The following SMARCD2 variants were observed in gnomAD, a reference collection of about 807,000 sequenced individuals.
SMARCD2 encodes the protein SWI/SNF related BAF chromatin remodeling complex subunit D2, also known as SWI/SNF-related matrix-associated actin-dependent regulator of chromatin subfamily D member 2.
A neutral mutation model predicts 70.4 loss-of-function variants in SMARCD2; 39 were observed. The observed-to-expected ratio is 0.55, with a 90% CI of 0.43 to 0.72. The LOEUF is 0.72. Among genes scored for constraint, SMARCD2 ranks in the 30% least tolerant of loss-of-function variants. The probability of loss-of-function intolerance (pLI) is 0.00; values close to 1 mark genes in which losing one functional copy is unlikely to be tolerated. For missense variants in SMARCD2, 540 were observed against 713.4 expected (o/e 0.76, Z 2.77); for synonymous variants, 249 against 279.4 (o/e 0.89, Z 1.08).
intron 5 of SMARCD2, chr17:63,835,064 G>A: frequency 3.7e-6 from 2 of 544,852 alleles, no homozygotes; most frequent in South Asian, 2.4e-5. Flanking sequence ...CCTCCAACGG[G>A]CTTGGAGCAG....
At chr17:63,839,173 A>AG in intron 1 of SMARCD2, 1 of 985,372 alleles carries the variant, frequency 1.0e-6, no homozygotes, top group Non-Finnish European at 1.2e-6. Context: ...ATAGAAAAAA[A>AG]CTAAGTGTGG....
rs1234427997 is a variant in SMARCD2, at chr17:63,834,034, T to C, written c.1084-28A>G. 1 of 1,605,976 alleles carries C rather than the reference T, an allele frequency of 6.2e-7. No individual in the cohort carries two copies. The highest frequency in any genetic ancestry group is 1.1e-5 in the South Asian group (1 of 90,902). Reference sequence around the variant, plus strand: ...GGAGGAAATACGAAAGGCTCAGCGTTGGCTTGTGGGCACAGTGGAGTGGAC... The same window carrying C: ...GGAGGAAATACGAAAGGCTCAGCGTCGGCTTGTGGGCACAGTGGAGTGGAC... On this transcript the variant is annotated intron_variant, in intron 8 of 12. Coordinates refer to ENST00000448276, the MANE Select transcript of SMARCD2 (RefSeq NM_001098426.2). The surrounding 1 kb of genome is among the most constrained non-coding windows in gnomAD (Gnocchi z 5.6).
At position 63,837,716 on chromosome 17, in the gene SMARCD2, G is replaced by C; in HGVS notation, c.217-91C>G. On this transcript the variant is annotated intron_variant, in intron 1 of 12. Coordinates refer to ENST00000448276, the MANE Select transcript of SMARCD2 (RefSeq NM_001098426.2). The surrounding 1 kb of genome is among the most constrained non-coding windows in gnomAD (Gnocchi z 6.4). ...TGCCCTCCATCCCTCTCGTCAGCCAGGTAGGGCCTGAGCAGCACACCAGAG... is the reference window on the plus strand; with the variant it reads ...TGCCCTCCATCCCTCTCGTCAGCCACGTAGGGCCTGAGCAGCACACCAGAG... 1 of 1,083,950 alleles carries C rather than the reference G, an allele frequency of 9.2e-7. No homozygotes were observed. Among genetic ancestry groups the C allele is most frequent in the Non-Finnish European group, 1.3e-6 (1 of 749,574 alleles). The allele number at this position is 1,083,950 out of a possible 1,614,324, so 67.1% of individuals were successfully genotyped here. A position where few individuals can be genotyped will look rare whatever the true frequency, so the allele number is the denominator to read the frequency against.
intron 1 of SMARCD2, chr17:63,839,250 G>T: frequency 1.0e-6 from 1 of 985,374 alleles, no homozygotes; most frequent in African/African-American, 1.7e-5. Context: ...ACAAAGACAG[G>T]GAAGAACTGA....
chr17:63,834,372 A>G lies in SMARCD2; in HGVS notation c.922-44T>C. The G allele has an allele frequency of 2.5e-6, 4 of 1,592,450 alleles. No individual in the cohort carries two copies. Among genetic ancestry groups the G allele is most frequent in the Non-Finnish European group, 3.4e-6 (4 of 1,163,714 alleles). ...GAGTCAGAACGGGTTCTTATAGTAGAACAGTGGGAAAATAGGGCAGGGACA... is the reference window on the plus strand; with the variant it reads ...GAGTCAGAACGGGTTCTTATAGTAGGACAGTGGGAAAATAGGGCAGGGACA... On this transcript the variant is annotated intron_variant, in intron 7 of 12. Transcript: ENST00000448276. The surrounding 1 kb of genome is among the most constrained non-coding windows in gnomAD (Gnocchi z 5.6).
In SMARCD2 at chr17:63,832,777, C is replaced by A. The variant is rs1006821614; in HGVS notation, c.*161G>T. On this transcript the variant is annotated 3_prime_UTR_variant, in exon 13 of 13. Coordinates refer to ENST00000448276, the MANE Select transcript of SMARCD2 (RefSeq NM_001098426.2). ...AAAGTATAAGGCTTTGGGGACCAAG[C>A]AACAAGGAATCCTATCACTACATTT... 38 of 676,814 alleles carry A rather than the reference C, an allele frequency of 5.6e-5. No homozygotes were observed. The highest frequency in any genetic ancestry group is 5.4e-4 in the African/African-American group (30 of 55,622). The allele number at this position is 676,814 out of a possible 1,614,324, so 41.9% of individuals were successfully genotyped here.
In SMARCD2 at chr17:63,832,324, T is replaced by C. The variant is rs1555579015; in HGVS notation, c.*614A>G. 5 of 320,696 alleles carry C rather than the reference T, an allele frequency of 1.6e-5. No homozygotes were observed. The highest frequency in any genetic ancestry group is 8.6e-5 in the South Asian group (2 of 23,184). The allele number at this position is 320,696 out of a possible 1,614,324, so 19.9% of individuals were successfully genotyped here. On this transcript the variant is annotated 3_prime_UTR_variant, in exon 13 of 13. Transcript: ENST00000448276. ...AGCCCTCTGGCATCCCAGGAGATGA[T>C]GGCGGCCAGAGCCGCTTGCATAGAT...
intron 1 of SMARCD2, chr17:63,838,875 A>G (rs928322506): frequency 3.2e-6 from 4 of 1,243,280 alleles, no homozygotes; most frequent in Non-Finnish European, 2.0e-6. Flanking sequence ...TTCTTCCCCA[A>G]CCTCTTCATC....
chr17:63,833,364 G>A lies in SMARCD2; in HGVS notation c.1374C>T (p.Leu458=), dbSNP rs765772129. 2.5e-6 allele frequency: 4 copies of A among 1,614,000 alleles called. No individual in the cohort carries two copies. Among genetic ancestry groups the A allele is most frequent in the East Asian group, 2.2e-5 (1 of 44,880 alleles). The change falls in exon 11 of 13, where the codon CTC becomes CTT. Residue 458 remains leucine, a synonymous_variant. Coordinates refer to ENST00000448276, the MANE Select transcript of SMARCD2 (RefSeq NM_001098426.2). The surrounding 1 kb of genome is among the most constrained non-coding windows in gnomAD (Gnocchi z 4.3). ...AGTCCTGGGGGTCGGTGCTAAAACT[G>A]AGCATGAAATCTCTCTGGGTCTTCA... is the stretch of plus-strand genomic sequence containing the variant. ...NQLKTQRDFM[L]SFSTDPQDFI... is the part of the protein sequence containing the mutation.
chr17:63,842,632 T>C lies in SMARCD2; in HGVS notation c.43A>G (p.Ser15Gly). The change falls in exon 1 of 13, where the codon AGC becomes GGC. Residue 15 changes from serine (S) to glycine (G), a missense_variant. Ser to Gly is a moderately conservative substitution (Grantham distance 56, BLOSUM62 0). Transcript: ENST00000448276. ...GAGGFPLPPL[S>G]PGGGAVAAAL... ...GCAGCCACGGCGCCGCCGCCAGGGC[T>C]TAGCGGGGGCAGCGGGAACCCGCCC... is the stretch of plus-strand genomic sequence containing the variant. The C allele has an allele frequency of 8.0e-7, 1 of 1,254,882 alleles. No homozygotes were observed. Among genetic ancestry groups the C allele is most frequent in the South Asian group, 3.0e-5 (1 of 32,920 alleles). 77.7% of individuals were successfully genotyped at this position (1,254,882 alleles called of 1,614,324 possible).
In SMARCD2 at chr17:63,833,280, C is replaced by T. The variant is rs114449005; in HGVS notation, c.1440+18G>A. On this transcript the variant is annotated intron_variant, in intron 11 of 12. Coordinates refer to ENST00000448276, the MANE Select transcript of SMARCD2 (RefSeq NM_001098426.2). The surrounding 1 kb of genome is among the most constrained non-coding windows in gnomAD (Gnocchi z 4.3). Reference sequence around the variant, plus strand: ...CCAGAGCTTTACATAGGAGTCCCCTCGGGAAAGAGGACTACACCTTGAGGT... The same window carrying T: ...CCAGAGCTTTACATAGGAGTCCCCTTGGGAAAGAGGACTACACCTTGAGGT... 1.6e-3 allele frequency: 2,517 copies of T among 1,613,846 alleles called. 27 individuals are homozygous for T. In the African/African-American group the frequency reaches 0.029, roughly 18 times the overall value.
At position 63,834,618 on chromosome 17, in the gene SMARCD2, G is replaced by A. The variant is rs757617420; in HGVS notation, c.820-43C>T. 2.2e-5 allele frequency: 35 copies of A among 1,565,268 alleles called. No individual in the cohort carries two copies. In the Admixed American group the frequency reaches 2.5e-4, roughly 11 times the overall value. On this transcript the variant is annotated intron_variant, in intron 6 of 12. Coordinates refer to ENST00000448276, the MANE Select transcript of SMARCD2 (RefSeq NM_001098426.2). The surrounding 1 kb of genome is among the most constrained non-coding windows in gnomAD (Gnocchi z 5.6). ...ATGGCTTATCACCAAGGGGGTGGGC[G>A]TGAACACAGGGCCTCCCAAGGGCCC...
chr17:63,839,039 T>G, intron 1 of SMARCD2: 3 of 985,270 alleles, frequency 3.0e-6, no homozygotes, highest in Non-Finnish European at 3.6e-6. Context: ...AGTGGGGGGC[T>G]CTGGGGCTTT....
rs1208484316 is a variant in SMARCD2, at chr17:63,837,279, A to T, written c.402-42T>A. 1.2e-6 allele frequency: 2 copies of T among 1,600,166 alleles called. No individual in the cohort carries two copies. Among genetic ancestry groups the T allele is most frequent in the South Asian group, 2.2e-5 (2 of 90,810 alleles). On this transcript the variant is annotated intron_variant, in intron 2 of 12. Transcript: ENST00000448276. This position sits in a 1 kb window ranked among gnomAD's most constrained non-coding sequence, Gnocchi z 6.4. ...CCCACTTAAGAGGTCAATGGTCCAA[A>T]AAAGGACACTCACTCCCATAACGCC... is the stretch of plus-strand genomic sequence containing the variant.
At chr17:63,840,777 C>T (rs1904429070) in intron 1 of SMARCD2, among the ~76,000 whole-genome samples, 1 of 152,248 alleles carries the variant, frequency 6.6e-6, no homozygotes, top group Admixed American at 6.5e-5. Flanking sequence ...TCCTTCCCAT[C>T]TACCTCTCCT....
intron 1 of SMARCD2, among the ~76,000 whole-genome samples, chr17:63,841,412 T>A (rs904908093): frequency 7.9e-5 from 12 of 152,150 alleles, no homozygotes; most frequent in Admixed American, 7.8e-4. Flanking sequence ...AACCCGTAGA[T>A]GAGCAAGAAG....
At chr17:63,842,302 C>T (rs1000721192) in intron 1 of SMARCD2, 157 bp downstream of exon 1, 164 of 1,133,724 alleles carry the variant, frequency 1.4e-4, no homozygotes, top group Non-Finnish European at 1.7e-4. Flanking sequence ...TTCTCCACCG[C>T]GACCCGCCGC....
At chr17:63,835,101 T>G (rs1264882124) in intron 5 of SMARCD2, 13 of 533,112 alleles carry the variant, frequency 2.4e-5, no homozygotes, top group South Asian at 1.7e-4. Flanking sequence ...GCAGGACTTC[T>G]CTGGGAGCGC....
Position 63,832,279 on chromosome 17 carries a change from G to T in SMARCD2, c.*659C>A. 2 of 386,892 alleles carry T rather than the reference G, an allele frequency of 5.2e-6. No individual in the cohort carries two copies. Among genetic ancestry groups the T allele is most frequent in the Non-Finnish European group, 9.5e-6 (2 of 210,860 alleles). 24.0% of individuals were successfully genotyped at this position (386,892 alleles called of 1,614,324 possible). Reference sequence around the variant, plus strand: ...AGAGAACTGGAGTGTCCCCTCCCCGGCCCAAGCCGCTGGAGAGGCAGCCCT... The same window carrying T: ...AGAGAACTGGAGTGTCCCCTCCCCGTCCCAAGCCGCTGGAGAGGCAGCCCT... On this transcript the variant is annotated 3_prime_UTR_variant, in exon 13 of 13. Transcript: ENST00000448276.
Sources: gnomAD v4.1 joint callset for allele counts (sites outside exome capture counted in the v4.1 genomes callset) on GRCh38, gnomAD v4.1.1 for gene constraint, Gnocchi (gnomAD v3.1) non-coding constraint, MANE v1.5 for transcripts, NCBI Gene and HGNC (gene_info 2026-07-23, HGNC 2026-07-21) for gene names.